Variants in USP34 observed in about 807,000 individuals in gnomAD.
USP34 encodes the protein ubiquitin carboxyl-terminal hydrolase 34.
Under a neutral mutation model 460.3 loss-of-function variants are expected in USP34, and 70 were observed. The ratio of observed to expected loss-of-function variants is 0.15; its 90% confidence interval spans 0.13 to 0.19. The LOEUF (loss-of-function observed/expected upper bound fraction) is 0.19. Among genes scored for constraint, USP34 ranks in the 10% least tolerant of loss-of-function variants. The pLI is 1.00. For synonymous variants in USP34, 1,647 were observed against 1,405.3 expected, an observed-to-expected ratio of 1.17 and a Z score of -3.85; for missense variants, 3,985 against 4,236.2, an observed-to-expected ratio of 0.94 and a Z score of 1.65.
Position 61,349,278 on chromosome 2 carries a change from T to C in USP34, c.1515A>G (p.Glu505=), listed in dbSNP as rs1219602053. The stretch of plus-strand genomic sequence containing the variant: ...GTGATGGAGCTGTTCTTCTAAGCTC[T>C]TCTTCCTCTGAAGGAAAAGGAAAAA... ...NIPIGNKKEE[E]ELRRTAPSPW... The change falls in exon 13 of 80, where the codon GAA becomes GAG. Residue 505 remains glutamate, a synonymous_variant. Coordinates refer to ENST00000398571, the MANE Select transcript of USP34 (RefSeq NM_014709.4). 6.2e-7 allele frequency: 1 copy of C among 1,613,374 alleles called. No individual in the cohort carries two copies. The highest frequency in any genetic ancestry group is 1.1e-5 in the South Asian group (1 of 90,912).
Position 61,250,057 on chromosome 2 carries a change from G to A in USP34, c.6222-1374C>T, listed in dbSNP as rs1191566180. ...GAGGCCAGGAGTTCGAGACCATTCT[G>A]GCCAACATGGCAAAACCATGTCTCC... On this transcript the variant is annotated intron_variant, in intron 48 of 79. Coordinates refer to ENST00000398571, the MANE Select transcript of USP34 (RefSeq NM_014709.4). 2.0e-5 allele frequency among the ~76,000 whole-genome samples: 3 copies of A among 152,192 alleles called. No homozygotes were observed. The South Asian group carries it at 6.2e-4, about 32-fold the overall frequency.
At chr2:61,256,842 A>G (rs1688736183) in intron 47 of USP34, 31 bp downstream of exon 47, 15 of 1,512,336 alleles carry the variant, frequency 9.9e-6, no homozygotes, top group Non-Finnish European at 1.3e-5. Flanking sequence ...TAAAAGCATA[A>G]AGTAAAAAAA....
At chr2:61,251,113 G>C (rs1197946444) in intron 48 of USP34, among the ~76,000 whole-genome samples, 1 of 152,118 alleles carries the variant, frequency 6.6e-6, no homozygotes, top group Non-Finnish European at 1.5e-5. Flanking sequence ...ACTCTAGCCT[G>C]GGTGATCAAG....
intron 57 of USP34, 98 bp from the exon 58 acceptor site, chr2:61,232,630 A>G (rs1687939954): frequency 9.8e-7 from 1 of 1,017,440 alleles, no homozygotes; most frequent in Non-Finnish European, 1.5e-6. Context: ...CAATGTTTTA[A>G]TTCTTTTAAG....
intron 2 of USP34, among the ~76,000 whole-genome samples, chr2:61,414,976 A>C (rs1694150846): frequency 6.6e-6 from 1 of 152,198 alleles, no homozygotes; most frequent in Admixed American, 6.5e-5. Flanking sequence ...GATTAGTTGC[A>C]GGAGGGGACC....
In USP34 at chr2:61,380,192, A is replaced by G; in HGVS notation, c.991T>C (p.Leu331=). The change falls in exon 7 of 80, where the codon TTG becomes CTG. Residue 331 remains leucine, a synonymous_variant. Coordinates refer to ENST00000398571, the MANE Select transcript of USP34 (RefSeq NM_014709.4). ...YFMSPTLTMR[L]AGLSQITNQL... ...ACTGTTATCTGACTCAATCCAGCCA[A>G]CCTCATAGTCAAAGTAGGTGACATA... 1.9e-6 allele frequency: 3 copies of G among 1,613,592 alleles called. No homozygotes were observed. The highest frequency in any genetic ancestry group is 2.5e-6 in the Non-Finnish European group (3 of 1,179,724).
chr2:61,398,399 AAG>A (rs1693603171), intron 3 of USP34, among the ~76,000 whole-genome samples: 1 of 139,216 alleles, frequency 7.2e-6, no homozygotes, highest in South Asian at 2.6e-4. Context: ...GGAGGACAGA[AAG>A]AGAGGGAGAG....
intron 43 of USP34, among the ~76,000 whole-genome samples, chr2:61,260,841 G>A (rs983896882): frequency 3.3e-5 from 5 of 152,128 alleles, no homozygotes; most frequent in African/African-American, 1.2e-4. Flanking sequence ...TATTATTAGA[G>A]AATGAAGTAT....
chr2:61,252,176 T>C (rs1688602281), intron 48 of USP34, among the ~76,000 whole-genome samples: 1 of 152,122 alleles, frequency 6.6e-6, no homozygotes, highest in African/African-American at 2.4e-5. Flanking sequence ...CTTCCCTAAA[T>C]AAAAGGAATC....
chr2:61,444,759 C>T (rs1261492294), intron 1 of USP34, among the ~76,000 whole-genome samples: 1 of 152,132 alleles, frequency 6.6e-6, no homozygotes, highest in Non-Finnish European at 1.5e-5. Flanking sequence ...GCAAATCAGA[C>T]ATTGCCTCCT....
intron 23 of USP34, among the ~76,000 whole-genome samples, chr2:61,317,433 T>C (rs1219668147): frequency 6.6e-6 from 1 of 151,884 alleles, no homozygotes; most frequent in East Asian, 1.9e-4. Flanking sequence ...GGGCTGAGGC[T>C]AGAGAATCTC....
At chr2:61,459,771 A>G (rs1185267553) in intron 1 of USP34, among the ~76,000 whole-genome samples, 1 of 141,348 alleles carries the variant, frequency 7.1e-6, no homozygotes, top group Non-Finnish European at 1.5e-5. Context: ...AGCCAAAAAA[A>G]AAAAAAGGCC....
chr2:61,236,445 C>A (rs945820245), intron 53 of USP34, 56 bp from the exon 54 acceptor site: 5 of 1,302,300 alleles, frequency 3.8e-6, no homozygotes, highest in Non-Finnish European at 4.2e-6. Flanking sequence ...TTACATTTTA[C>A]CAATATTTTT....
intron 53 of USP34, among the ~76,000 whole-genome samples, chr2:61,239,488 GA>G: frequency 6.6e-6 from 1 of 152,288 alleles, no homozygotes; most frequent in Admixed American, 6.5e-5. Flanking sequence ...GCAAGGTCTA[GA>G]TTTGTCTAAT....
At chr2:61,437,033 C>T (rs949042145) in intron 1 of USP34, among the ~76,000 whole-genome samples, 1 of 152,174 alleles carries the variant, frequency 6.6e-6, no homozygotes, top group African/African-American at 2.4e-5. Flanking sequence ...CTGTGGGATA[C>T]AGCAAAAGCG....
At chr2:61,256,568 C>T in intron 47 of USP34, 90 bp from the exon 48 acceptor site, 1 of 1,060,814 alleles carries the variant, frequency 9.4e-7, no homozygotes, top group Non-Finnish European at 1.3e-6. Context: ...TGACAGAATG[C>T]TCAGCAAAAA....
At chr2:61,205,563 C>G (rs1687095819) in intron 72 of USP34, among the ~76,000 whole-genome samples, 1 of 151,896 alleles carries the variant, frequency 6.6e-6, no homozygotes, top group Non-Finnish European at 1.5e-5. Flanking sequence ...CTTTTAAAAG[C>G]CACAAATTAG....
intron 23 of USP34, 30 bp from the exon 24 acceptor site, chr2:61,315,004 TTTTG>T (rs756691786): frequency 3.4e-5 from 54 of 1,583,042 alleles, no homozygotes; most frequent in Middle Eastern, 3.6e-4. Context: ...TATCTCTAAA[TTTTG>T]TTTGTCAAAC....
intron 21 of USP34, 93 bp downstream of exon 21, chr2:61,325,276 TAAAAAA>T: frequency 1.2e-5 from 7 of 604,506 alleles, no homozygotes; most frequent in Non-Finnish European, 1.8e-5. Flanking sequence ...TAAATTAAAC[TAAAAAA>T]AAAAAAAAAC....
Sources: allele counts gnomAD v4.1 joint callset (sites outside exome capture counted in the v4.1 genomes callset), GRCh38; gene constraint gnomAD v4.1.1; transcripts MANE v1.5; gene names NCBI Gene and HGNC (gene_info 2026-07-23, HGNC 2026-07-21).